KLHL13: variants seen among roughly 807,000 people sequenced by gnomAD.
The protein encoded by KLHL13 is kelch like family member 13.
In KLHL13, 10 loss-of-function variants were observed where a neutral mutation model predicts 37.1. That is an observed-to-expected ratio of 0.27 (90% CI 0.17 to 0.46). The LOEUF is 0.46. KLHL13 is among the 20% of genes least tolerant of loss of function. The pLI is 1.00. For synonymous variants in KLHL13, 163 were observed against 181.2 expected, an observed-to-expected ratio of 0.90 and a Z score of 0.81; for missense variants, 360 against 509.3, an observed-to-expected ratio of 0.71 and a Z score of 2.82.
intron 1 of KLHL13, among the ~76,000 whole-genome samples, chrX:118,018,200 T>C (rs1158142552): frequency 9.0e-6 from 1 of 111,609 alleles, no homozygotes; most frequent in Non-Finnish European, 1.9e-5. Context: ...CCTTCTACAC[T>C]GACCTCCGCT....
intron 5 of KLHL13, among the ~76,000 whole-genome samples, chrX:117,905,900 C>G (rs899307443): frequency 9.0e-6 from 1 of 110,985 alleles, no homozygotes; most frequent in African/African-American, 3.3e-5. Context: ...AATACTAGGC[C>G]TTATTAATTC....
chrX:117,987,700 T>C (rs2053744115), intron 1 of KLHL13, among the ~76,000 whole-genome samples: 1 of 112,280 alleles, frequency 8.9e-6, no homozygotes, highest in Non-Finnish European at 1.9e-5. Flanking sequence ...GTCAACTGTT[T>C]TATGTTAAAA....
chrX:117,977,682 T>A (rs1410715731), upstream of KLHL13, among the ~76,000 whole-genome samples: 7 of 112,229 alleles, frequency 6.2e-5, no homozygotes, highest in Non-Finnish European at 1.3e-4. Context: ...TCACAATGCT[T>A]AGACAAGACT....
upstream of KLHL13, among the ~76,000 whole-genome samples, chrX:117,976,360 CA>C (rs1337099787): frequency 5.4e-4 from 61 of 112,041 alleles, 1 homozygote; most frequent in African/African-American, 2.0e-3. Context: ...ATTCACTTAA[CA>C]ACACTATTCC....
intron 1 of KLHL13, among the ~76,000 whole-genome samples, chrX:118,081,083 C>T (rs373801642): frequency 1.8e-5 from 2 of 111,022 alleles, no homozygotes; most frequent in Admixed American, 9.6e-5. Context: ...ACATAAATAT[C>T]GAAACAATAG....
chrX:118,023,119 C>T (rs1030411778), intron 1 of KLHL13, among the ~76,000 whole-genome samples: 1 of 106,948 alleles, frequency 9.4e-6, no homozygotes, highest in Non-Finnish European at 1.9e-5. Context: ...GTTTTCCCAG[C>T]ACTATTTATC....
chrX:117,979,317 A>G (rs1260241504), intron 1 of KLHL13, among the ~76,000 whole-genome samples: 3 of 111,928 alleles, frequency 2.7e-5, no homozygotes, highest in African/African-American at 9.7e-5. Context: ...GGTAAGAGCA[A>G]TACAGAGAGA....
At chrX:117,912,771 C>T (rs1465629371) in intron 4 of KLHL13, among the ~76,000 whole-genome samples, 1 of 111,357 alleles carries the variant, frequency 9.0e-6, no homozygotes, top group African/African-American at 3.3e-5. Flanking sequence ...TTTGTAGGCA[C>T]ATAGTTGGTA....
At chrX:118,074,757 T>C (rs2054910855) in intron 1 of KLHL13, among the ~76,000 whole-genome samples, 1 of 111,974 alleles carries the variant, frequency 8.9e-6, no homozygotes, top group Non-Finnish European at 1.9e-5. Context: ...TATAAAAATT[T>C]GATAAGATTT....
At chrX:117,970,223 G>A (rs756649699) in intron 1 of KLHL13, among the ~76,000 whole-genome samples, 5 of 111,546 alleles carry the variant, frequency 4.5e-5, no homozygotes, top group South Asian at 3.7e-4. Context: ...TGAAAACCAC[G>A]TAATGTATAT....
rs6646021 is a variant in KLHL13 at position 117,987,561 on chromosome X, T to C, written c.-55-41986A>G. Among the ~76,000 whole-genome samples, 685 of 111,934 alleles carry C rather than the reference T, an allele frequency of 6.1e-3. 5 individuals are homozygous for C. Among genetic ancestry groups the C allele is most frequent in the African/African-American group, 0.018 (560 of 30,921 alleles). The stretch of plus-strand genomic sequence containing the variant: ...TACCCAGTAAGTACGCAAGCTTTCG[T>C]TGATTTTGGCACTTAACATTCAGCT... On this transcript the variant is annotated intron_variant, in intron 1 of 6. Coordinates refer to the KLHL13 transcript ENST00000371882.
intron 1 of KLHL13, among the ~76,000 whole-genome samples, chrX:117,949,073 T>C (rs925999291): frequency 6.2e-5 from 7 of 112,336 alleles, no homozygotes; most frequent in African/African-American, 1.9e-4. Context: ...GTAAGTGATA[T>C]GAGCACACAA....
intron 1 of KLHL13, among the ~76,000 whole-genome samples, chrX:118,024,164 T>C (rs1384219617): frequency 8.9e-6 from 1 of 112,238 alleles, no homozygotes; most frequent in Non-Finnish European, 1.9e-5. Context: ...TACAAAGGTA[T>C]TAGCTTAGAA....
intron 1 of KLHL13, among the ~76,000 whole-genome samples, chrX:118,039,635 T>C (rs1337784425): frequency 1.8e-5 from 2 of 111,737 alleles, no homozygotes; most frequent in African/African-American, 6.5e-5. Context: ...ACAGGATCTC[T>C]GGACACACCC....
chrX:118,031,935 C>A (rs1361819027), intron 1 of KLHL13, among the ~76,000 whole-genome samples: 2 of 110,139 alleles, frequency 1.8e-5, no homozygotes, highest in Non-Finnish European at 3.8e-5. Flanking sequence ...TCAGGAAGCA[C>A]AAGGGGTCAG....
chrX:117,927,589 T>C (rs778273779), intron 2 of KLHL13, among the ~76,000 whole-genome samples: 1 of 111,998 alleles, frequency 8.9e-6, no homozygotes, highest in African/African-American at 3.2e-5. Flanking sequence ...ATGGTCCAGG[T>C]GGAGGAGAAT....
Position 117,961,479 on chromosome X carries a change from C to A in KLHL13, c.98+11252G>T, listed in dbSNP as rs182367372. Among the ~76,000 whole-genome samples, 168 of 111,890 alleles carry A rather than the reference C, an allele frequency of 1.5e-3. 2 individuals carry two copies. Among genetic ancestry groups the A allele is most frequent in the African/African-American group, 5.3e-3 (163 of 30,801 alleles). ...CCTCCTAAAGATGTCCACATCTTAA[C>A]CCCAGGAATCTGTGGATATGTTGTT... On this transcript the variant is annotated intron_variant, in intron 1 of 6. Transcript: ENST00000262820.
chrX:117,898,236 T>C (rs1407105787), exon 7 of KLHL13: 1 of 112,471 alleles, frequency 8.9e-6, no homozygotes, highest in Non-Finnish European at 1.9e-5. Context: ...TATGTATGTA[T>C]ACACACTTTA....
intron 1 of KLHL13, among the ~76,000 whole-genome samples, chrX:117,971,446 CA>C (rs1239735028): frequency 9.0e-6 from 1 of 111,127 alleles, no homozygotes; most frequent in Non-Finnish European, 1.9e-5. Flanking sequence ...GTGCTTTTGA[CA>C]AACAGTTTTT....
Sources: allele counts gnomAD v4.1 joint callset (sites outside exome capture counted in the v4.1 genomes callset), GRCh38; gene constraint gnomAD v4.1.1; transcripts MANE v1.5; gene names NCBI Gene and HGNC (gene_info 2026-07-23, HGNC 2026-07-21).